PXDNL: variants seen among roughly 807,000 people sequenced by gnomAD.
The protein encoded by PXDNL is probable oxidoreductase PXDNL.
In PXDNL, 145 loss-of-function variants were observed where a neutral mutation model predicts 150.8. The ratio of observed to expected loss-of-function variants is 0.96; its 90% CI spans 0.84 to 1.10. The LOEUF (loss-of-function observed/expected upper bound fraction) is 1.10. Among genes scored for constraint, PXDNL ranks in the 50% least tolerant of loss-of-function variants. The probability of loss-of-function intolerance (pLI) is 0.00; values close to 1 mark genes in which losing one functional copy is unlikely to be tolerated. For missense variants in PXDNL, 2,087 were observed against 1,873.9 expected (o/e 1.11, Z -2.10); for synonymous variants, 757 against 725.7 (o/e 1.04, Z -0.69).
In PXDNL at chr8:51,740,299, C is replaced by A. The variant is rs1480458076; in HGVS notation, c.164+68882G>T. 2.6e-5 allele frequency among the ~76,000 whole-genome samples: 4 copies of A among 152,190 alleles called. No individual in the cohort carries two copies. The East Asian group carries it at 7.7e-4, about 29-fold the overall frequency. ...TAGTGCTGCAAAGAAGATAAGTGTG[C>A]ATGTATCTTTATAACAGAATGATTT... On this transcript the variant is annotated intron_variant, in intron 1 of 22. Coordinates refer to ENST00000356297, the MANE Select transcript of PXDNL (RefSeq NM_144651.5).
In PXDNL at chr8:51,778,235, C is replaced by T. The variant is rs116138724; in HGVS notation, c.164+30946G>A. Among the ~76,000 whole-genome samples the T allele has an allele frequency of 5.8e-3, 883 of 151,400 alleles. 8 individuals carry two copies. Among genetic ancestry groups the T allele is most frequent in the Middle Eastern group, 0.017 (5 of 290 alleles). ...TGGAGCTTGCAGTGAGCCGAGATCG[C>T]GCCACTTGCACCCCAGCCTGGGTGA... On this transcript the variant is annotated intron_variant, in intron 1 of 22. Coordinates refer to ENST00000356297, the MANE Select transcript of PXDNL (RefSeq NM_144651.5).
At chr8:51,715,297 G>A (rs1312959441) in intron 1 of PXDNL, among the ~76,000 whole-genome samples, 3 of 152,054 alleles carry the variant, frequency 2.0e-5, no homozygotes, top group Admixed American at 6.5e-5. Context: ...TCAAAACCAC[G>A]ATAAGATACA....
chr8:51,485,773 C>T (rs1287490256), intron 5 of PXDNL, among the ~76,000 whole-genome samples: 1 of 152,184 alleles, frequency 6.6e-6, no homozygotes, highest in Non-Finnish European at 1.5e-5. Flanking sequence ...TCACCATGGT[C>T]CCCCTTGAAT....
At chr8:51,700,222 TACAG>T (rs1475051042) in intron 1 of PXDNL, among the ~76,000 whole-genome samples, 2 of 149,766 alleles carry the variant, frequency 1.3e-5, no homozygotes, top group Non-Finnish European at 3.0e-5. Flanking sequence ...CACAGATGCA[TACAG>T]ACACATATAC....
At chr8:51,583,710 A>G (rs1398738779) in intron 3 of PXDNL, among the ~76,000 whole-genome samples, 1 of 152,148 alleles carries the variant, frequency 6.6e-6, no homozygotes, top group East Asian at 1.9e-4. Flanking sequence ...TGTTTATTAC[A>G]TTATTGTTGG....
chr8:51,722,119 C>G, intron 1 of PXDNL: 1 of 171,404 alleles, frequency 5.8e-6, no homozygotes, highest in South Asian at 1.4e-4. Context: ...CACACTGGTG[C>G]CTGCAGTCGG....
At chr8:51,741,000 C>T (rs2036901753) in intron 1 of PXDNL, among the ~76,000 whole-genome samples, 1 of 152,162 alleles carries the variant, frequency 6.6e-6, no homozygotes, top group Non-Finnish European at 1.5e-5. Flanking sequence ...GAAGTTCCTC[C>T]TTTTCAGCTG....
intron 1 of PXDNL, among the ~76,000 whole-genome samples, chr8:51,693,652 C>T (rs566774568): frequency 4.0e-4 from 61 of 152,182 alleles, no homozygotes; most frequent in African/African-American, 1.3e-3. Context: ...CGCCTGTGGT[C>T]CCAGCTACTT....
chr8:51,476,438 G>A (rs1810477127), intron 6 of PXDNL, among the ~76,000 whole-genome samples: 1 of 152,126 alleles, frequency 6.6e-6, no homozygotes, highest in African/African-American at 2.4e-5. Flanking sequence ...TCCCCCTCTG[G>A]AATTGCTACA....
chr8:51,798,124 A>G (rs1165653800), intron 1 of PXDNL, among the ~76,000 whole-genome samples: 3 of 152,238 alleles, frequency 2.0e-5, no homozygotes, highest in Non-Finnish European at 4.4e-5. Flanking sequence ...GGCTAGCCAT[A>G]TGCAGAAAAT....
chr8:51,608,046 A>C lies in PXDNL; in HGVS notation c.237-15348T>G, dbSNP rs186469358. On this transcript the variant is annotated intron_variant, in intron 2 of 22. Coordinates refer to ENST00000356297, the MANE Select transcript of PXDNL (RefSeq NM_144651.5). The stretch of plus-strand genomic sequence containing the variant: ...GAAAGAAAGAAAGAAAGAAAGAAAG[A>C]AAGAAAGAAAGCAAGCAAGCAAGCA... Among the ~76,000 whole-genome samples the C allele has an allele frequency of 5.1e-4, 59 of 116,620 alleles. 1 individual carries two copies. Among genetic ancestry groups the C allele is most frequent in the African/African-American group, 2.0e-3 (50 of 25,592 alleles). The allele number at this position is 116,620 out of a possible 152,430, so 76.5% of individuals were successfully genotyped here. A position where few individuals can be genotyped will look rare whatever the true frequency, so the allele number is the denominator to read the frequency against.
chr8:51,359,435 A>G (rs888915758), intron 19 of PXDNL, among the ~76,000 whole-genome samples: 2 of 152,188 alleles, frequency 1.3e-5, no homozygotes, highest in South Asian at 4.1e-4. Flanking sequence ...TGAATTTGAT[A>G]TAAGTGGTCA....
chr8:51,498,994 A>G (rs746550531), intron 5 of PXDNL, among the ~76,000 whole-genome samples: 5 of 152,158 alleles, frequency 3.3e-5, no homozygotes, highest in Non-Finnish European at 7.3e-5. Flanking sequence ...ACCAGAAACA[A>G]TGCTGCTGCA....
intron 2 of PXDNL, among the ~76,000 whole-genome samples, chr8:51,608,608 C>A (rs1435223545): frequency 6.8e-6 from 1 of 147,000 alleles, no homozygotes; most frequent in African/African-American, 2.6e-5. Context: ...GAGGCCAAGG[C>A]GGGCAGATCA....
At chr8:51,718,339 C>G (rs535215907) in intron 1 of PXDNL, among the ~76,000 whole-genome samples, 20 of 152,264 alleles carry the variant, frequency 1.3e-4, no homozygotes, top group African/African-American at 4.8e-4. Flanking sequence ...CAGGGAAGCT[C>G]TCCACCCTTT....
At chr8:51,764,667 T>A (rs1451644087) in intron 1 of PXDNL, among the ~76,000 whole-genome samples, 3 of 152,200 alleles carry the variant, frequency 2.0e-5, no homozygotes, top group Non-Finnish European at 4.4e-5. Flanking sequence ...GAGATCATAC[T>A]TTACATTTGT....
intron 4 of PXDNL, among the ~76,000 whole-genome samples, chr8:51,521,050 G>A (rs187080084): frequency 6.6e-4 from 100 of 152,154 alleles, no homozygotes; most frequent in African/African-American, 2.3e-3. Flanking sequence ...CCGGGCAACA[G>A]AGCACATAGC....
At chr8:51,556,097 C>T (rs1812594374) in intron 4 of PXDNL, among the ~76,000 whole-genome samples, 1 of 151,886 alleles carries the variant, frequency 6.6e-6, no homozygotes, top group Admixed American at 6.6e-5. Flanking sequence ...TGTGGTGAAA[C>T]CCTGTCTCTA....
chr8:51,425,886 C>T (rs887292380), intron 13 of PXDNL, among the ~76,000 whole-genome samples: 2 of 151,896 alleles, frequency 1.3e-5, no homozygotes, highest in Admixed American at 1.3e-4. Flanking sequence ...CCTAAACTTA[C>T]TCTTCATAGA....
Sources: gnomAD v4.1 joint callset for allele counts (sites outside exome capture counted in the v4.1 genomes callset) on GRCh38, gnomAD v4.1.1 for gene constraint, MANE v1.5 for transcripts, NCBI Gene and HGNC (gene_info 2026-07-23, HGNC 2026-07-21) for gene names.